The following NFYC variants were observed in gnomAD, a reference collection of about 807,000 sequenced individuals.
NFYC encodes the protein CAAT box DNA-binding protein subunit C.
A neutral mutation model predicts 53.1 loss-of-function variants in NFYC; 25 were observed. The ratio of observed to expected loss-of-function variants is 0.47; its 90% confidence interval spans 0.34 to 0.66. The LOEUF is 0.66. NFYC is among the 30% of genes least tolerant of loss of function. The pLI is 0.01. For missense variants in NFYC, 260 were observed against 422.7 expected (o/e 0.62, Z 3.38); for synonymous variants, 145 against 152.6 (o/e 0.95, Z 0.37).
At position 40,770,896 on chromosome 1, in the gene NFYC, C is replaced by G. The variant is rs1019313068; in HGVS notation, c.*68C>G. 6.5e-7 allele frequency: 1 copy of G among 1,549,432 alleles called. No homozygotes were observed. The highest frequency in any genetic ancestry group is 8.8e-7 in the Non-Finnish European group (1 of 1,140,996). On this transcript the variant is annotated 3_prime_UTR_variant, in exon 10 of 10. Coordinates refer to ENST00000447388, the MANE Select transcript of NFYC (RefSeq NM_014223.5). This position sits in a 1 kb window ranked among gnomAD's most constrained non-coding sequence, Gnocchi z 5.3. ...GCCATACAGCCCCAGGCAATGGGCACAGCCTTCCTCCCCAGAGGACCCGGC... is the reference window on the plus strand; with the variant it reads ...GCCATACAGCCCCAGGCAATGGGCAGAGCCTTCCTCCCCAGAGGACCCGGC...
At chr1:40,756,295 T>C (rs998341924) in intron 5 of NFYC, among the ~76,000 whole-genome samples, 2 of 152,174 alleles carry the variant, frequency 1.3e-5, no homozygotes, top group African/African-American at 2.4e-5. Context: ...GGGGTTGAAA[T>C]TGTTGTGGAA....
chr1:40,723,057 G>A (rs575456436), intron 1 of NFYC, among the ~76,000 whole-genome samples: 22 of 152,186 alleles, frequency 1.4e-4, no homozygotes, highest in Non-Finnish European at 2.6e-4. Context: ...AACCTTATCT[G>A]TAAAATTGGA....
At chr1:40,698,687 A>G (rs1643278014) in intron 1 of NFYC, among the ~76,000 whole-genome samples, 1 of 151,784 alleles carries the variant, frequency 6.6e-6, no homozygotes, top group Admixed American at 6.6e-5. Context: ...CTCAGCCTCC[A>G]CTGCGCCCAG....
intron 2 of NFYC, among the ~76,000 whole-genome samples, chr1:40,744,821 T>C (rs914338999): frequency 5.9e-5 from 9 of 152,196 alleles, no homozygotes. Context: ...GGAGCATGAA[T>C]CCAAGTTTCG....
chr1:40,724,639 A>G (rs1334393108), intron 1 of NFYC, among the ~76,000 whole-genome samples: 2 of 152,208 alleles, frequency 1.3e-5, no homozygotes, highest in Non-Finnish European at 2.9e-5. Flanking sequence ...ATCGTTTTCT[A>G]TTCCACAGAA....
At chr1:40,756,849 A>G (rs1425614411) in intron 5 of NFYC, among the ~76,000 whole-genome samples, 2 of 152,248 alleles carry the variant, frequency 1.3e-5, no homozygotes, top group Non-Finnish European at 2.9e-5. Context: ...AGAGAGCAAG[A>G]GAGAGCTAGG....
Position 40,691,726 on chromosome 1 carries a change from T to G in NFYC, c.-150T>G, listed in dbSNP as rs1368350504. The G allele has an allele frequency of 2.2e-6, 1 of 455,204 alleles. No homozygotes were observed. Among genetic ancestry groups the G allele is most frequent in the Admixed American group, 2.4e-5 (1 of 42,454 alleles). 28.2% of individuals were successfully genotyped at this position (455,204 alleles called of 1,614,324 possible). A position where few individuals can be genotyped will look rare whatever the true frequency, so the allele number is the denominator to read the frequency against. On this transcript the variant is annotated 5_prime_UTR_variant, in exon 1 of 10. Transcript: ENST00000447388. Reference sequence around the variant, plus strand: ...GGTGCAAACGGCGTGGCCGCCATCTTGCTTGTGCCCCCGCTTCGCGCGCGC... The same window carrying G: ...GGTGCAAACGGCGTGGCCGCCATCTGGCTTGTGCCCCCGCTTCGCGCGCGC...
At chr1:40,722,168 C>T (rs1644353010) in intron 1 of NFYC, among the ~76,000 whole-genome samples, 2 of 151,446 alleles carry the variant, frequency 1.3e-5, no homozygotes, top group South Asian at 4.2e-4. Flanking sequence ...GAGATTCCAT[C>T]CCAAAAAATA....
At chr1:40,718,529 C>T (rs1308377364) in intron 1 of NFYC, among the ~76,000 whole-genome samples, 6 of 152,196 alleles carry the variant, frequency 3.9e-5, no homozygotes, top group Non-Finnish European at 7.4e-5. Context: ...AGGGAACAAA[C>T]ATACAGTCAA....
intron 1 of NFYC, among the ~76,000 whole-genome samples, chr1:40,694,480 A>C (rs1643014269): frequency 6.6e-6 from 1 of 152,228 alleles, no homozygotes; most frequent in Non-Finnish European, 1.5e-5. Context: ...GATAGAGGCA[A>C]AGCTACAAGT....
intron 8 of NFYC, chr1:40,767,004 T>A: frequency 6.5e-7 from 1 of 1,548,292 alleles, no homozygotes; most frequent in Non-Finnish European, 8.7e-7. Flanking sequence ...CTGGGAAATG[T>A]TCGACAGATC....
rs549888323 is a variant in NFYC at position 40,739,279 on chromosome 1, A to G, written c.105+331A>G. Among the ~76,000 whole-genome samples, 4 of 152,334 alleles carry G rather than the reference A, an allele frequency of 2.6e-5. No homozygotes were observed. The South Asian group carries it at 8.3e-4, about 32-fold the overall frequency. On this transcript the variant is annotated intron_variant, in intron 2 of 9. Coordinates refer to ENST00000447388, the MANE Select transcript of NFYC (RefSeq NM_014223.5). Reference sequence around the variant, plus strand: ...TTCAGTAGCTGTAGCTCAATTTTTTAGGCCTGATTTAGTGGCCCTACGACA... The same window carrying G: ...TTCAGTAGCTGTAGCTCAATTTTTTGGGCCTGATTTAGTGGCCCTACGACA...
Position 40,771,068 on chromosome 1 carries a change from G to A in NFYC, c.*240G>A. 1 of 573,894 alleles carries A rather than the reference G, an allele frequency of 1.7e-6. No homozygotes were observed. The highest frequency in any genetic ancestry group is 3.1e-6 in the Non-Finnish European group (1 of 322,744). 35.6% of individuals were successfully genotyped at this position (573,894 alleles called of 1,614,324 possible). ...AGGAATCAATATTTCAATATGTTGA[G>A]TGTGTGTCCAATGCTATGAAATTAA... On this transcript the variant is annotated 3_prime_UTR_variant, in exon 10 of 10. Transcript: ENST00000447388.
Position 40,753,140 on chromosome 1 carries a change from CTTT to C in NFYC, c.292-10_292-8del. 6.2e-7 allele frequency: 1 copy of C among 1,602,438 alleles called. No individual in the cohort carries two copies. The highest frequency in any genetic ancestry group is 8.5e-7 in the Non-Finnish European group (1 of 1,169,852). Reference sequence around the variant, plus strand: ...CAGGCTAATTTTTCACACCGCTCTTCTTTGTTACAGAGAAATGATATCGCCATG... The same window carrying C: ...CAGGCTAATTTTTCACACCGCTCTTCGTTACAGAGAAATGATATCGCCATG... On this transcript the variant is annotated splice_region_variant and splice_polypyrimidine_tract_variant and intron_variant, in intron 4 of 9. Coordinates refer to ENST00000447388, the MANE Select transcript of NFYC (RefSeq NM_014223.5).
chr1:40,730,219 G>C (rs61781866), intron 1 of NFYC, among the ~76,000 whole-genome samples: 6 of 98,404 alleles, frequency 6.1e-5, no homozygotes, highest in Admixed American at 1.2e-4. Context: ...TTTTTTTTTG[G>C]TAGAGATAGG....
chr1:40,730,894 T>C (rs950444351), intron 1 of NFYC, among the ~76,000 whole-genome samples: 1 of 152,220 alleles, frequency 6.6e-6, no homozygotes. Flanking sequence ...GATTATAATA[T>C]TGATGAAGAA....
At chr1:40,738,483 T>A (rs1164115031) in intron 1 of NFYC, among the ~76,000 whole-genome samples, 1 of 152,174 alleles carries the variant, frequency 6.6e-6, no homozygotes. Flanking sequence ...CATTGAAAAT[T>A]ATGGGCTAGA....
rs1645687240 is a variant in NFYC at position 40,747,754 on chromosome 1, G to A, written c.177+149G>A. The A allele has an allele frequency of 5.0e-6, 3 of 605,984 alleles. No individual in the cohort carries two copies. In the South Asian group the frequency reaches 6.7e-5, roughly 14 times the overall value. The allele number at this position is 605,984 out of a possible 1,614,324, so 37.5% of individuals were successfully genotyped here. A position where few individuals can be genotyped will look rare whatever the true frequency, so the allele number is the denominator to read the frequency against. Reference sequence around the variant, plus strand: ...TGTTATTTGGTTCCTGTGCAAAATTGTTAAGTGAGCCAAAATTGAGCAGTT... The same window carrying A: ...TGTTATTTGGTTCCTGTGCAAAATTATTAAGTGAGCCAAAATTGAGCAGTT... On this transcript the variant is annotated intron_variant, in intron 3 of 9. Transcript: ENST00000447388.
chr1:40,701,351 T>C (rs1643425023), intron 1 of NFYC, among the ~76,000 whole-genome samples: 2 of 152,128 alleles, frequency 1.3e-5, no homozygotes, highest in South Asian at 4.1e-4. Flanking sequence ...CTGACTTCAG[T>C]TGGCCTCCCA....
Sources: allele counts gnomAD v4.1 joint callset (sites outside exome capture counted in the v4.1 genomes callset), GRCh38; gene constraint gnomAD v4.1.1; non-coding constraint Gnocchi (gnomAD v3.1); transcripts MANE v1.5; gene names NCBI Gene and HGNC (gene_info 2026-07-23, HGNC 2026-07-21).